The following TDRD10 variants were observed in gnomAD, a reference collection of about 807,000 sequenced individuals.
The protein encoded by TDRD10 is tudor domain-containing protein 10.
Under a neutral mutation model 48.0 loss-of-function variants are expected in TDRD10, and 40 were observed. The ratio of observed to expected loss-of-function variants is 0.83; its 90% CI spans 0.65 to 1.09. The LOEUF is 1.09. Among genes scored for constraint, TDRD10 ranks in the 50% least tolerant of loss-of-function variants. The pLI is 0.00. For missense variants in TDRD10, 378 were observed against 434.7 expected, an observed-to-expected ratio of 0.87 and a Z score of 1.16; for synonymous variants, 162 against 170.4, an observed-to-expected ratio of 0.95 and a Z score of 0.38.
At chr1:154,529,785 T>A (rs1694510071) in intron 6 of TDRD10, among the ~76,000 whole-genome samples, 1 of 152,066 alleles carries the variant, frequency 6.6e-6, no homozygotes, top group African/African-American at 2.4e-5. Flanking sequence ...CCTCAGGTGA[T>A]CCGCCTGTCT....
chr1:154,510,064 T>C (rs1349308173), intron 4 of TDRD10, among the ~76,000 whole-genome samples: 1 of 152,000 alleles, frequency 6.6e-6, no homozygotes, highest in Non-Finnish European at 1.5e-5. Flanking sequence ...CTCAGCCTCA[T>C]AGGAAAGATT....
chr1:154,543,132 G>A (rs1468791616), intron 8 of TDRD10, among the ~76,000 whole-genome samples: 1 of 152,076 alleles, frequency 6.6e-6, no homozygotes, highest in African/African-American at 2.4e-5. Context: ...AAAATTAGCC[G>A]GGCATGGTGG....
intron 10 of TDRD10, 65 bp from the exon 11 acceptor site, chr1:154,544,730 G>A: frequency 6.4e-7 from 1 of 1,572,056 alleles, no homozygotes; most frequent in Non-Finnish European, 8.6e-7. Flanking sequence ...CCACTTTGTT[G>A]AGGACTGCTG....
intron 6 of TDRD10, among the ~76,000 whole-genome samples, chr1:154,535,926 C>T (rs748020201): frequency 4.6e-5 from 7 of 151,992 alleles, no homozygotes; most frequent in African/African-American, 1.7e-4. Context: ...CAGAGCAGGA[C>T]GGGGTGAGAC....
intron 6 of TDRD10, among the ~76,000 whole-genome samples, chr1:154,538,757 G>T (rs1262294917): frequency 7.2e-6 from 1 of 139,194 alleles, no homozygotes; most frequent in East Asian, 2.1e-4. Flanking sequence ...GGAGGCTGAG[G>T]CAGGAGAATG....
intron 4 of TDRD10, among the ~76,000 whole-genome samples, chr1:154,517,817 C>T (rs1032037718): frequency 2.6e-5 from 4 of 152,158 alleles, no homozygotes; most frequent in African/African-American, 7.2e-5. Flanking sequence ...TTCAGTGAAC[C>T]GGCTTGTACG....
At chr1:154,520,743 C>T (rs1203294219) in intron 5 of TDRD10, among the ~76,000 whole-genome samples, 1 of 152,224 alleles carries the variant, frequency 6.6e-6, no homozygotes, top group East Asian at 1.9e-4. Flanking sequence ...GTGCTTTGAA[C>T]GTTTGTTTGT....
intron 1 of TDRD10, among the ~76,000 whole-genome samples, chr1:154,505,492 T>C (rs1485815129): frequency 6.6e-6 from 1 of 152,242 alleles, no homozygotes; most frequent in Non-Finnish European, 1.5e-5. Flanking sequence ...CTACTTTTAG[T>C]TCTATTTAGA....
chr1:154,507,212 G>A (rs1356271065), intron 2 of TDRD10, 29 bp from the exon 3 acceptor site: 6 of 1,613,582 alleles, frequency 3.7e-6, no homozygotes, highest in Middle Eastern at 1.7e-4. Flanking sequence ...GAGCTTGGGA[G>A]GTTCGATGCT....
chr1:154,534,148 T>A (rs1363437937), intron 6 of TDRD10, among the ~76,000 whole-genome samples: 1 of 152,210 alleles, frequency 6.6e-6, no homozygotes, highest in Non-Finnish European at 1.5e-5. Context: ...GTTTACAGAT[T>A]GCCTGTGGCT....
intron 10 of TDRD10, 56 bp from the exon 11 acceptor site, chr1:154,544,739 T>C (rs1041403538): frequency 1.9e-6 from 3 of 1,588,682 alleles, no homozygotes; most frequent in Non-Finnish European, 2.6e-6. Flanking sequence ...TGAGGACTGC[T>C]GTGCATGGCA....
chr1:154,531,673 G>A lies in TDRD10; in HGVS notation c.369+10194G>A, dbSNP rs189205432. On this transcript the variant is annotated intron_variant, in intron 6 of 12. Coordinates refer to ENST00000368482, the MANE Select transcript of TDRD10 (RefSeq NM_182499.4). ...AGCACCAAGATTTATTGCAAAGAGC[G>A]AAAGAACAAAGCTTCCACAGTGCGT... Among the ~76,000 whole-genome samples, 519 of 152,338 alleles carry A rather than the reference G, an allele frequency of 3.4e-3. 1 individual carries two copies. The highest frequency in any genetic ancestry group is 0.01 in the Middle Eastern group (3 of 294).
At chr1:154,542,441 T>C (rs1357001319) in intron 7 of TDRD10, among the ~76,000 whole-genome samples, 1 of 152,208 alleles carries the variant, frequency 6.6e-6, no homozygotes, top group Non-Finnish European at 1.5e-5. Context: ...TTGCCTAGGC[T>C]GGTCTTAAAC....
chr1:154,521,690 A>G (rs373923794), intron 6 of TDRD10, among the ~76,000 whole-genome samples: 64 of 152,282 alleles, frequency 4.2e-4, no homozygotes, highest in African/African-American at 1.3e-3. Flanking sequence ...AATTAAGGAG[A>G]CTATATTTTT....
intron 1 of TDRD10, among the ~76,000 whole-genome samples, chr1:154,506,178 GC>G (rs1299484563): frequency 5.3e-5 from 8 of 152,124 alleles, no homozygotes; most frequent in Admixed American, 5.2e-4. Flanking sequence ...GTCTCAGTGG[GC>G]TAAAATCAAG....
intron 6 of TDRD10, among the ~76,000 whole-genome samples, chr1:154,532,622 C>G (rs1181456528): frequency 6.6e-6 from 1 of 152,178 alleles, no homozygotes; most frequent in African/African-American, 2.4e-5. Context: ...GGGCTGCCAG[C>G]ACGCTGTCGC....
chr1:154,541,944 C>A, intron 6 of TDRD10, 80 bp from the exon 7 acceptor site: 2 of 1,440,222 alleles, frequency 1.4e-6, no homozygotes, highest in South Asian at 1.2e-5. Context: ...GTCTCCCAGT[C>A]TACCTGGAGT....
chr1:154,528,229 AAAT>A (rs1463820760), intron 6 of TDRD10, among the ~76,000 whole-genome samples: 3 of 142,898 alleles, frequency 2.1e-5, no homozygotes, highest in African/African-American at 7.7e-5. Context: ...AAAAAAAAAA[AAAT>A]TTTTTTTTGA....
At chr1:154,503,969 A>G (rs902404425) in intron 1 of TDRD10, among the ~76,000 whole-genome samples, 2 of 152,304 alleles carry the variant, frequency 1.3e-5, no homozygotes, top group South Asian at 4.1e-4. Context: ...CCATCGCAAC[A>G]ATCTAATTTT....
Sources: gnomAD v4.1 joint callset for allele counts (sites outside exome capture counted in the v4.1 genomes callset) on GRCh38, gnomAD v4.1.1 for gene constraint, MANE v1.5 for transcripts, NCBI Gene and HGNC (gene_info 2026-07-23, HGNC 2026-07-21) for gene names.